The following BRDT variants were observed in gnomAD, a reference collection of about 807,000 sequenced individuals.
The protein encoded by BRDT is bromodomain testis-specific protein.
Under a neutral mutation model 113.9 loss-of-function variants are expected in BRDT, and 77 were observed. That is an observed-to-expected ratio of 0.68 (90% confidence interval 0.56 to 0.82). The LOEUF is 0.82. BRDT is among the 40% of genes least tolerant of loss of function. BRDT has a pLI of 0.00. For synonymous variants in BRDT, 358 were observed against 366.5 expected (o/e 0.98, Z 0.26); for missense variants, 1,027 against 1,105.4 (o/e 0.93, Z 1.01).
At chr1:91,960,704 C>A (rs1159240035) in intron 1 of BRDT, among the ~76,000 whole-genome samples, 4 of 151,996 alleles carry the variant, frequency 2.6e-5, no homozygotes, top group Non-Finnish European at 5.9e-5. Flanking sequence ...CGCCACAGTT[C>A]AAAAATATAA....
chr1:91,990,229 C>T (rs927458029), intron 12 of BRDT, among the ~76,000 whole-genome samples: 2 of 152,204 alleles, frequency 1.3e-5, no homozygotes, highest in Admixed American at 1.3e-4. Flanking sequence ...GTCAGCTGTA[C>T]AGTATTTCTA....
intron 1 of BRDT, among the ~76,000 whole-genome samples, chr1:91,954,555 C>T (rs554997860): frequency 6.6e-6 from 1 of 152,280 alleles, no homozygotes; most frequent in East Asian, 1.9e-4. Context: ...GTTGGGTTTA[C>T]AGACATGAGC....
chr1:91,976,478 C>G, intron 5 of BRDT, 40 bp downstream of exon 5: 2 of 1,473,496 alleles, frequency 1.4e-6, no homozygotes, highest in South Asian at 1.5e-5. Flanking sequence ...CTTTTTAACA[C>G]TGGATTTTTT....
chr1:91,951,792 C>G (rs774934158), intron 1 of BRDT, among the ~76,000 whole-genome samples: 1 of 151,992 alleles, frequency 6.6e-6, no homozygotes. Context: ...TGAGGTGGCT[C>G]AGGCCTGTAA....
Position 92,001,759 on chromosome 1 carries a change from A to T in BRDT, c.2288-290A>T, listed in dbSNP as rs935342050. Among the ~76,000 whole-genome samples the T allele has an allele frequency of 3.3e-5, 5 of 151,936 alleles. 1 individual carries two copies. The highest frequency in any genetic ancestry group is 1.2e-4 in the African/African-American group (5 of 41,392). On this transcript the variant is annotated intron_variant, in intron 15 of 18. Transcript: ENST00000399546. Reference sequence around the variant, plus strand: ...GTCTAAACTGGAGAGCTGCTATAGCATGGGGTCAGATAAAAAGGTTTTGGT... The same window carrying T: ...GTCTAAACTGGAGAGCTGCTATAGCTTGGGGTCAGATAAAAAGGTTTTGGT...
intron 6 of BRDT, among the ~76,000 whole-genome samples, chr1:91,977,807 G>A (rs1570522437): frequency 1.3e-5 from 2 of 152,040 alleles, no homozygotes; most frequent in Middle Eastern, 3.4e-3. Context: ...AGGAGGAGAG[G>A]TTGCAGTGAG....
At chr1:91,991,367 A>G in intron 13 of BRDT, 122 bp downstream of exon 13, 1 of 466,412 alleles carries the variant, frequency 2.1e-6, no homozygotes, top group South Asian at 5.9e-5. Context: ...CACTGTTTTT[A>G]GCTTATCAAC....
At chr1:91,974,892 A>G (rs1683978523) in intron 4 of BRDT, among the ~76,000 whole-genome samples, 1 of 152,356 alleles carries the variant, frequency 6.6e-6, no homozygotes, top group African/African-American at 2.4e-5. Flanking sequence ...CAAATGTCCA[A>G]CAATGATAGA....
chr1:91,977,102 A>G lies in BRDT; in HGVS notation c.678A>G (p.Lys226=). Residue 226 remains lysine, a synonymous_variant, in exon 6 of 19, where the codon AAA becomes AAG. Coordinates refer to ENST00000399546, the MANE Select transcript of BRDT (RefSeq NM_207189.4). ...CAACTCCTGCAACTTCAGCAGTTAA[A>G]GCAAGTAGTGAATTTTCTCCAACAT... is the stretch of plus-strand genomic sequence containing the variant. ...DTTTPATSAV[K]ASSEFSPTFT... The G allele has an allele frequency of 6.2e-7, 1 of 1,613,558 alleles. No homozygotes were observed. The highest frequency in any genetic ancestry group is 8.5e-7 in the Non-Finnish European group (1 of 1,179,816).
intron 12 of BRDT, among the ~76,000 whole-genome samples, chr1:91,989,844 C>T (rs989322870): frequency 6.6e-6 from 1 of 152,158 alleles, no homozygotes; most frequent in Admixed American, 6.5e-5. Context: ...CATTGAGTGG[C>T]ATTTAGCAAT....
chr1:91,952,440 TCGGC>T (rs966093455), intron 1 of BRDT, among the ~76,000 whole-genome samples: 5 of 152,026 alleles, frequency 3.3e-5, no homozygotes, highest in African/African-American at 1.2e-4. Context: ...AAGGGGCTCT[TCGGC>T]TGAATGCTAT....
At position 91,989,640 on chromosome 1, in the gene BRDT, C is replaced by T. The variant is rs149990674; in HGVS notation, c.2003-1544C>T. ...CCTCCCAAAGTGCTGGGATTACAGG[C>T]ATGAGCCACCATGCCCTGCCTAATA... On this transcript the variant is annotated intron_variant, in intron 12 of 18. Coordinates refer to ENST00000399546, the MANE Select transcript of BRDT (RefSeq NM_207189.4). Among the ~76,000 whole-genome samples, 73 of 152,310 alleles carry T rather than the reference C, an allele frequency of 4.8e-4. 2 individuals are homozygous for T. In the East Asian group the frequency reaches 0.014, roughly 29 times the overall value.
intron 12 of BRDT, 126 bp downstream of exon 12, chr1:91,981,881 T>C (rs1186914784): frequency 2.4e-6 from 3 of 1,225,174 alleles, no homozygotes; most frequent in South Asian, 3.7e-5. Context: ...ATGCTAATTA[T>C]TTAATTGCAT....
At chr1:91,953,178 A>G (rs1007020027) in intron 1 of BRDT, among the ~76,000 whole-genome samples, 1 of 150,466 alleles carries the variant, frequency 6.6e-6, no homozygotes, top group Non-Finnish European at 1.5e-5. Flanking sequence ...AAGTTTGCAG[A>G]AACTATTTTC....
At chr1:92,007,436 T>C (rs1687419207) in intron 18 of BRDT, among the ~76,000 whole-genome samples, 1 of 152,176 alleles carries the variant, frequency 6.6e-6, no homozygotes, top group South Asian at 2.1e-4. Context: ...TCCTTCTTTG[T>C]GTTCCTAAGT....
chr1:91,982,052 TAATAA>T (rs1395919776), intron 12 of BRDT, among the ~76,000 whole-genome samples: 1 of 152,204 alleles, frequency 6.6e-6, no homozygotes, highest in Non-Finnish European at 1.5e-5. Flanking sequence ...ATATATCAGA[TAATAA>T]AATAATGACC....
At chr1:91,989,559 A>G (rs569644870) in intron 12 of BRDT, among the ~76,000 whole-genome samples, 1 of 151,788 alleles carries the variant, frequency 6.6e-6, no homozygotes, top group Admixed American at 6.6e-5. Context: ...TGGGGTTTCA[A>G]CTTGTTGGCC....
chr1:91,962,657 T>C (rs1682610920), intron 1 of BRDT, 61 bp from the exon 2 acceptor site: 1 of 1,045,596 alleles, frequency 9.6e-7, no homozygotes, highest in Non-Finnish European at 1.3e-6. Context: ...AATAACACTT[T>C]TCAGCTCCTG....
intron 15 of BRDT, among the ~76,000 whole-genome samples, chr1:91,997,052 TAA>T (rs1686410360): frequency 6.6e-6 from 1 of 151,470 alleles, no homozygotes; most frequent in Non-Finnish European, 1.5e-5. Flanking sequence ...AAAAAATAGT[TAA>T]AAGAAGAGGT....
Sources: gnomAD v4.1 joint callset for allele counts (sites outside exome capture counted in the v4.1 genomes callset) on GRCh38, gnomAD v4.1.1 for gene constraint, MANE v1.5 for transcripts, NCBI Gene and HGNC (gene_info 2026-07-23, HGNC 2026-07-21) for gene names.